Variants in ATG16L2 observed in about 807,000 individuals in gnomAD.
ATG16L2 encodes protein Atg16l2.
Under a neutral mutation model 84.7 loss-of-function variants are expected in ATG16L2, and 77 were observed. The observed-to-expected ratio is 0.91, with a 90% CI of 0.76 to 1.10. ATG16L2 has a LOEUF of 1.10. Ranked by LOEUF, ATG16L2 falls within the 50% of genes least tolerant of loss-of-function variation. The pLI is 0.00. For missense variants in ATG16L2, 782 were observed against 817.6 expected (o/e 0.96, Z 0.53); for synonymous variants, 361 against 342.8 (o/e 1.05, Z -0.59).
At chr11:72,836,544 C>T (rs1321120657) in intron 5 of ATG16L2, among the ~76,000 whole-genome samples, 1 of 152,126 alleles carries the variant, frequency 6.6e-6, no homozygotes, top group African/African-American at 2.4e-5. Flanking sequence ...CTATTTACTG[C>T]CATCTCTAGT....
Position 72,814,574 on chromosome 11 carries a change from C to A in ATG16L2, c.118+11C>A. On this transcript the variant is annotated intron_variant, in intron 1 of 17. Coordinates refer to ENST00000321297, the MANE Select transcript of ATG16L2 (RefSeq NM_033388.2). ...AGCTGGTGCCGGCCTGTGAGTGCGC[C>A]CCGGTGCTGAGAGGATGGCGGCTGA... The A allele has an allele frequency of 1.3e-6, 2 of 1,561,598 alleles. No homozygotes were observed. The highest frequency in any genetic ancestry group is 1.7e-6 in the Non-Finnish European group (2 of 1,150,154).
At chr11:72,842,544 T>C in intron 5 of ATG16L2, 1 of 1,571,470 alleles carries the variant, frequency 6.4e-7, no homozygotes, top group Non-Finnish European at 8.7e-7. Flanking sequence ...CAGCCCACTT[T>C]TGTGTGGATC....
chr11:72,824,005 C>G (rs967483695), intron 7 of ATG16L2, 55 bp from the exon 8 acceptor site: 8 of 1,594,566 alleles, frequency 5.0e-6, no homozygotes, highest in Non-Finnish European at 5.2e-6. Context: ...GATGGACAGC[C>G]ATTTGTACAC....
chr11:72,826,131 T>A, intron 10 of ATG16L2, 42 bp from the exon 11 acceptor site: 1 of 1,547,448 alleles, frequency 6.5e-7, no homozygotes, highest in South Asian at 1.1e-5. Context: ...TTTTGTGAGG[T>A]TAAGACCTCA....
intron 16 of ATG16L2, 36 bp from the exon 17 acceptor site, chr11:72,828,847 A>AC (rs779400435): frequency 1.2e-5 from 19 of 1,613,148 alleles, no homozygotes; most frequent in Admixed American, 3.3e-5. Context: ...CTCCCCTCTG[A>AC]CCCCCCGTTT....
chr11:72,821,845 A>T, intron 4 of ATG16L2, 104 bp downstream of exon 4: 1 of 1,458,786 alleles, frequency 6.9e-7, no homozygotes, highest in Non-Finnish European at 9.1e-7. Context: ...ATCTTTCCCT[A>T]CGTCCCCCCG....
At chr11:72,832,447 G>T (rs936958647), downstream of ATG16L2, among the ~76,000 whole-genome samples, 2 of 152,214 alleles carry the variant, frequency 1.3e-5, no homozygotes, top group Non-Finnish European at 1.5e-5. Context: ...TCCCGGGAAT[G>T]AGGTAGGCAG....
At chr11:72,817,884 G>A (rs764607462) in intron 3 of ATG16L2, 29 bp downstream of exon 3, 1 of 1,580,496 alleles carries the variant, frequency 6.3e-7, no homozygotes. Context: ...TGAAAATGGG[G>A]TAGAGAGATG....
At chr11:72,825,785 G>A (rs1255682874) in intron 10 of ATG16L2, among the ~76,000 whole-genome samples, 1 of 152,132 alleles carries the variant, frequency 6.6e-6, no homozygotes. Context: ...TAAGAGACAA[G>A]TATGAACTGT....
downstream of ATG16L2, among the ~76,000 whole-genome samples, chr11:72,830,838 C>T (rs1474517565): frequency 6.6e-6 from 1 of 152,172 alleles, no homozygotes. Context: ...CTATGTTGCC[C>T]AGGCTGGTCT....
intron 7 of ATG16L2, chr11:72,823,403 G>C: frequency 9.8e-6 from 3 of 305,382 alleles, no homozygotes; most frequent in South Asian, 5.5e-5. Flanking sequence ...ATGTGTAGAT[G>C]TGTGCTCACA....
chr11:72,842,590 T>C, intron 5 of ATG16L2: 1 of 1,612,996 alleles, frequency 6.2e-7, no homozygotes, highest in Non-Finnish European at 8.5e-7. Context: ...TTTAAACATC[T>C]TTTAATTCAA....
rs1460323891 is a variant in ATG16L2 at position 72,822,198 on chromosome 11, A to G, written c.547A>G (p.Arg183Gly). ...HVGLREAALR[R>G]LQEEARDLLE... is the part of the protein sequence containing the mutation. ...CGGGCTCCGGGAGGCGGCACTGCGC[A>G]GGCTCCAGGAAGAGGCGCGCGACCT... Residue 183 changes from arginine (R) to glycine (G), a missense_variant, in exon 5 of 18, where the codon AGG (arginine) becomes GGG (glycine). Transcript: ENST00000321297. The surrounding 1 kb of genome is among the most constrained non-coding windows in gnomAD (Gnocchi z 4.2). The G allele has an allele frequency of 2.7e-6, 4 of 1,504,714 alleles. No homozygotes were observed. The highest frequency in any genetic ancestry group is 2.6e-6 in the Non-Finnish European group (3 of 1,136,282). The allele number at this position is 1,504,714 out of a possible 1,614,324, so 93.2% of individuals were successfully genotyped here. A position where few individuals can be genotyped will look rare whatever the true frequency, so the allele number is the denominator to read the frequency against.
exon 6 of ATG16L2, chr11:72,843,427 C>T (rs369468492): frequency 2.0e-5 from 32 of 1,605,688 alleles, no homozygotes; most frequent in South Asian, 3.3e-5. Flanking sequence ...CAAGAAAGGG[C>T]GATATGAGCA....
At chr11:72,835,461 G>A (rs1860706887) in intron 5 of ATG16L2, among the ~76,000 whole-genome samples, 1 of 152,050 alleles carries the variant, frequency 6.6e-6, no homozygotes, top group Non-Finnish European at 1.5e-5. Flanking sequence ...AGAAGAGTTC[G>A]TGGTGACCAG....
In ATG16L2 at chr11:72,841,499, C is replaced by T. The variant is rs150767189; in HGVS notation, c.*22-1118C>T. Reference sequence around the variant, plus strand: ...GGAAAGTACAGGGAGCTCCTCTTATCTGGGCTGGGGTAGGGGCTGCTGGGA... The same window carrying T: ...GGAAAGTACAGGGAGCTCCTCTTATTTGGGCTGGGGTAGGGGCTGCTGGGA... On this transcript the variant is annotated intron_variant, in intron 5 of 5. Transcript: ENST00000534905. 3.0e-5 allele frequency: 49 copies of T among 1,611,016 alleles called. No homozygotes were observed. The highest frequency in any genetic ancestry group is 1.3e-5 in the African/African-American group (1 of 74,826).
chr11:72,830,542 C>T (rs773891289), downstream of ATG16L2, among the ~76,000 whole-genome samples: 1 of 152,170 alleles, frequency 6.6e-6, no homozygotes, highest in Non-Finnish European at 1.5e-5. Context: ...CAGCCTCAAA[C>T]TCCTGCAGCC....
At position 72,826,793 on chromosome 11, in the gene ATG16L2, G is replaced by C; in HGVS notation, c.1336G>C (p.Val446Leu). The C allele has an allele frequency of 6.2e-7, 1 of 1,614,014 alleles. No individual in the cohort carries two copies. The highest frequency in any genetic ancestry group is 8.5e-7 in the Non-Finnish European group (1 of 1,179,978). Residue 446 changes from valine to leucine, a missense_variant, in exon 13 of 18, where the codon GTG becomes CTG. Transcript: ENST00000321297. Reference protein sequence around the residue: ...QAVTGSRDRTVKEWDLGRAYC... With the variant: ...QAVTGSRDRTLKEWDLGRAYC... ...AGTGACTGGGAGCCGCGACCGGACA[G>C]TGAAGGAGTGGGACCTCGGCCGTGC...
intron 4 of ATG16L2, 143 bp from the exon 5 acceptor site, chr11:72,821,901 G>C: frequency 7.0e-7 from 1 of 1,422,040 alleles, no homozygotes; most frequent in Non-Finnish European, 9.2e-7. Flanking sequence ...GGCTCTGAGG[G>C]CGAAGGCTTG....
Sources: allele counts gnomAD v4.1 joint callset (sites outside exome capture counted in the v4.1 genomes callset), GRCh38; gene constraint gnomAD v4.1.1; non-coding constraint Gnocchi (gnomAD v3.1); transcripts MANE v1.5; gene names NCBI Gene and HGNC (gene_info 2026-07-23, HGNC 2026-07-21).